The following DNAJC14 variants were observed in gnomAD, a reference collection of about 807,000 sequenced individuals.
The protein encoded by DNAJC14 is dnaJ homolog subfamily C member 14.
A neutral mutation model predicts 68.8 loss-of-function variants in DNAJC14; 12 were observed. The ratio of observed to expected loss-of-function variants is 0.17; its 90% confidence interval spans 0.11 to 0.28. The LOEUF (loss-of-function observed/expected upper bound fraction) is 0.28, where lower values mean the gene tolerates loss of function less well. DNAJC14 is among the 10% of genes least tolerant of loss of function. DNAJC14 has a pLI of 1.00. For synonymous variants in DNAJC14, 350 were observed against 321.5 expected, an observed-to-expected ratio of 1.09 and a Z score of -0.95; for missense variants, 764 against 875.6, an observed-to-expected ratio of 0.87 and a Z score of 1.61.
At chr12:55,825,144 AAAAAAAAAG>A (rs1880760994) in intron 2 of DNAJC14, among the ~76,000 whole-genome samples, 1 of 151,780 alleles carries the variant, frequency 6.6e-6, no homozygotes, top group Non-Finnish European at 1.5e-5. Flanking sequence ...AAAAAAAAAA[AAAAAAAAAG>A]AATATACCAA....
rs781142931 is a variant in DNAJC14, at chr12:55,827,307, T to G, written c.1352A>C (p.Glu451Ala). ...CAGTTCAACATCTGATGCTGTGGCC[T>G]CAACCCCCAGTACATGGAAAGGGTT... ...ELNPFHVLGV[E>A]ATASDVELKK... Residue 451 changes from glutamate to alanine, a missense_variant, in exon 2 of 7, where the codon GAG becomes GCG. Coordinates refer to ENST00000678005, the MANE Select transcript of DNAJC14 (RefSeq NM_032364.6). The G allele has an allele frequency of 1.3e-6, 2 of 1,593,588 alleles. No individual in the cohort carries two copies. Among genetic ancestry groups the G allele is most frequent in the South Asian group, 2.3e-5 (2 of 88,420 alleles).
At chr12:55,822,333 C>T (rs1187397727) in intron 6 of DNAJC14, 40 bp downstream of exon 6, 1 of 1,595,674 alleles carries the variant, frequency 6.3e-7, no homozygotes, top group South Asian at 1.1e-5. Flanking sequence ...GTATTCAAAA[C>T]TGAAATAGTG....
Position 55,829,565 on chromosome 12 carries a change from G to C in DNAJC14, c.-133C>G. 1 of 985,394 alleles carries C rather than the reference G, an allele frequency of 1.0e-6. No homozygotes were observed. Among genetic ancestry groups the C allele is most frequent in the Non-Finnish European group, 1.2e-6 (1 of 829,952 alleles). The allele number at this position is 985,394 out of a possible 1,614,324, so 61.0% of individuals were successfully genotyped here. On this transcript the variant is annotated 5_prime_UTR_variant, in exon 1 of 7. Transcript: ENST00000678005. ...GTGAGCTACGAGAGCCGCTCTCCCG[G>C]CTCCGCCTCCCGCTCACGCTCTGCT...
At chr12:55,828,893 T>C (rs1245055078) in intron 1 of DNAJC14, among the ~76,000 whole-genome samples, 179 bp from the exon 2 acceptor site, 1 of 152,148 alleles carries the variant, frequency 6.6e-6, no homozygotes, top group Admixed American at 6.5e-5. Context: ...GCTTGCTCCC[T>C]CCCCTCTCCT....
At position 55,828,435 on chromosome 12, in the gene DNAJC14, T is replaced by C; in HGVS notation, c.224A>G (p.His75Arg). The C allele has an allele frequency of 6.2e-7, 1 of 1,614,114 alleles. No homozygotes were observed. The highest frequency in any genetic ancestry group is 8.5e-7 in the Non-Finnish European group (1 of 1,179,972). Reference protein sequence around the residue: ...PNPAHWLDPSHGPPGGPGPPR... With the variant: ...PNPAHWLDPSRGPPGGPGPPR... Reference sequence around the variant, plus strand: ...TGGTCCTGGACCCCCTGGGGGGCCATGGCTTGGGTCCAACCAATGGGCTGG... The same window carrying C: ...TGGTCCTGGACCCCCTGGGGGGCCACGGCTTGGGTCCAACCAATGGGCTGG... The change falls in exon 2 of 7, where the codon CAT (histidine) becomes CGT (arginine). Residue 75 changes from histidine to arginine, a missense_variant. His to Arg is a conservative substitution (Grantham distance 29, BLOSUM62 0). Coordinates refer to ENST00000678005, the MANE Select transcript of DNAJC14 (RefSeq NM_032364.6).
chr12:55,823,701 C>CTTTTTT (rs57733478), intron 2 of DNAJC14, among the ~76,000 whole-genome samples, 193 bp from the exon 3 acceptor site: 5 of 129,838 alleles, frequency 3.9e-5, no homozygotes, highest in Admixed American at 7.9e-5. Context: ...CCTTGAATAT[C>CTTTTTT]TTTTTTTTTT....
In DNAJC14 at chr12:55,822,465, T is replaced by C. The variant is rs1880694180; in HGVS notation, c.1806A>G (p.Gly602=). ...CTGGGGAGATACCTACACGCTGGCA[T>C]CCAGCCCACTCTATAAACATGAGAA... ...GKVYDITEWA[G]CQRVGISPDT... is the part of the protein sequence containing the mutation. The change falls in exon 6 of 7, where the codon GGA becomes GGG. Residue 602 remains glycine (G), a synonymous_variant. Coordinates refer to ENST00000678005, the MANE Select transcript of DNAJC14 (RefSeq NM_032364.6). 1 of 1,613,916 alleles carries C rather than the reference T, an allele frequency of 6.2e-7. No homozygotes were observed. Among genetic ancestry groups the C allele is most frequent in the South Asian group, 1.1e-5 (1 of 91,064 alleles).
chr12:55,823,381 G>T (rs1456101491), intron 3 of DNAJC14, 21 bp downstream of exon 3: 2 of 1,612,368 alleles, frequency 1.2e-6, no homozygotes, highest in Non-Finnish European at 8.5e-7. Context: ...ATTATCTGAT[G>T]ATTTCCCATC....
rs750602448 is a variant in DNAJC14, at chr12:55,828,025, G to A, written c.634C>T (p.Arg212Cys). The A allele has an allele frequency of 2.5e-6, 4 of 1,613,432 alleles. No homozygotes were observed. The highest frequency in any genetic ancestry group is 2.2e-5 in the East Asian group (1 of 44,876). ...CGACCAGGGGACCTGGGATCCCTAC[G>A]TCCACCCTCCCGAGTATCCTCCTTC... Reference protein sequence around the residue: ...PTKEDTREGGRRDPRSPGRHR... With the variant: ...PTKEDTREGGCRDPRSPGRHR... The change falls in exon 2 of 7, where the codon CGT (arginine) becomes TGT (cysteine). Residue 212 changes from arginine to cysteine, a missense_variant. Arg to Cys is a radical substitution (Grantham distance 180). Transcript: ENST00000678005.
chr12:55,823,256 G>A, intron 3 of DNAJC14, 67 bp from the exon 4 acceptor site: 1 of 1,608,856 alleles, frequency 6.2e-7, no homozygotes, highest in Non-Finnish European at 8.5e-7. Context: ...CATATCAGTT[G>A]GCCTCTTGAG....
At chr12:55,824,220 C>G (rs1220081338) in intron 2 of DNAJC14, among the ~76,000 whole-genome samples, 1 of 152,128 alleles carries the variant, frequency 6.6e-6, no homozygotes, top group African/African-American at 2.4e-5. Context: ...GACAGTTGGT[C>G]TCTGGCACAC....
At chr12:55,825,130 CAA>C (rs71074860) in intron 2 of DNAJC14, among the ~76,000 whole-genome samples, 59 of 65,488 alleles carry the variant, frequency 9.0e-4, no homozygotes, top group Non-Finnish European at 1.2e-3. Flanking sequence ...GACCCTGTCT[CAA>C]AAAAAAAAAA....
intron 2 of DNAJC14, among the ~76,000 whole-genome samples, chr12:55,826,269 A>ATCT (rs1230994225): frequency 8.3e-6 from 1 of 120,866 alleles, no homozygotes; most frequent in African/African-American, 3.7e-5. Flanking sequence ...AGGGGAAAAT[A>ATCT]TCTTTTTTTT....
Position 55,829,069 on chromosome 12 carries a change from C to T in DNAJC14, c.-56-355G>A, listed in dbSNP as rs564694366. 9.1e-6 allele frequency: 9 copies of T among 992,556 alleles called. No individual in the cohort carries two copies. In the South Asian group the frequency reaches 4.0e-4, roughly 44 times the overall value. 61.5% of individuals were successfully genotyped at this position (992,556 alleles called of 1,614,324 possible). On this transcript the variant is annotated intron_variant, in intron 1 of 6. Transcript: ENST00000678005. ...CAGACTTCCAGTAATGGGTGGGGGC[C>T]ATGCGGCCCTGGAGGAAAATCTGGG... is the stretch of plus-strand genomic sequence containing the variant.
chr12:55,829,051 C>T (rs1880888192), intron 1 of DNAJC14: 3 of 974,642 alleles, frequency 3.1e-6, no homozygotes, highest in Non-Finnish European at 3.7e-6. Flanking sequence ...CCACAGACTT[C>T]CAGTAATGGG....
At chr12:55,825,262 A>G (rs1592593695) in intron 2 of DNAJC14, among the ~76,000 whole-genome samples, 1 of 152,156 alleles carries the variant, frequency 6.6e-6, no homozygotes, top group African/African-American at 2.4e-5. Context: ...ATTAATGGAA[A>G]CTTTAGTTGC....
rs1880854765 is a variant in DNAJC14 at position 55,828,112 on chromosome 12, A to G, written c.547T>C (p.Phe183Leu). Residue 183 changes from phenylalanine (F) to leucine (L), a missense_variant, in exon 2 of 7, where the codon TTT becomes CTT. Transcript: ENST00000678005. Reference protein sequence around the residue: ...DEESLKFPSDFSRVSSGKKPP... With the variant: ...DEESLKFPSDLSRVSSGKKPP... ...TTCTTTCCGCTGGACACACGTGAAAAATCACTGGGGAACTTGAGAGATTCT... is the reference window on the plus strand; with the variant it reads ...TTCTTTCCGCTGGACACACGTGAAAGATCACTGGGGAACTTGAGAGATTCT... 1 of 1,601,084 alleles carries G rather than the reference A, an allele frequency of 6.2e-7. No homozygotes were observed. Among genetic ancestry groups the G allele is most frequent in the East Asian group, 2.2e-5 (1 of 44,764 alleles).
At chr12:55,828,810 C>T in intron 1 of DNAJC14, 96 bp from the exon 2 acceptor site, 11 of 1,356,784 alleles carry the variant, frequency 8.1e-6, no homozygotes, top group Non-Finnish European at 1.1e-5. Flanking sequence ...ATCCACCTCC[C>T]TTGTTTTCCC....
rs146622744 is a variant in DNAJC14 at position 55,824,922 on chromosome 12, G to A, written c.1408-1414C>T. 2.6e-4 allele frequency among the ~76,000 whole-genome samples: 39 copies of A among 152,136 alleles called. No individual in the cohort carries two copies. The East Asian group carries it at 7.4e-3, about 29-fold the overall frequency. On this transcript the variant is annotated intron_variant, in intron 2 of 6. Transcript: ENST00000678005. ...GAGGCAGGCAAATTGCTTGAGTCCAGGAGTTCGAGATCAGGCTAGCCAACA... is the reference window on the plus strand; with the variant it reads ...GAGGCAGGCAAATTGCTTGAGTCCAAGAGTTCGAGATCAGGCTAGCCAACA...
Sources: allele counts gnomAD v4.1 joint callset (sites outside exome capture counted in the v4.1 genomes callset), GRCh38; gene constraint gnomAD v4.1.1; transcripts MANE v1.5; gene names NCBI Gene and HGNC (gene_info 2026-07-23, HGNC 2026-07-21).